CDON: variants seen among roughly 807,000 people sequenced by gnomAD.
CDON encodes cell adhesion molecule-related/down-regulated by oncogenes.
Under a neutral mutation model 120.9 loss-of-function variants are expected in CDON, and 73 were observed. That is an observed-to-expected ratio of 0.60 (90% CI 0.50 to 0.73). The LOEUF (loss-of-function observed/expected upper bound fraction) is 0.73. CDON is among the 30% of genes least tolerant of loss of function. CDON has a pLI of 0.00. For missense variants in CDON, 1,470 were observed against 1,587.3 expected (o/e 0.93, Z 1.26); for synonymous variants, 566 against 573.5 (o/e 0.99, Z 0.19).
intron 7 of CDON, among the ~76,000 whole-genome samples, chr11:126,011,845 T>G (rs1947312088): frequency 6.6e-6 from 1 of 152,226 alleles, no homozygotes; most frequent in African/African-American, 2.4e-5. Flanking sequence ...TTTAGATCTT[T>G]AATCCACTGA....
intron 1 of CDON, among the ~76,000 whole-genome samples, chr11:126,032,942 A>G (rs1011578928): frequency 6.6e-6 from 1 of 152,174 alleles, no homozygotes; most frequent in Non-Finnish European, 1.5e-5. Context: ...CAGGAGGTTG[A>G]GGCTGCAGTG....
At chr11:126,062,123 G>A (rs1340843155) in intron 1 of CDON, among the ~76,000 whole-genome samples, 1 of 152,128 alleles carries the variant, frequency 6.6e-6, no homozygotes, top group Admixed American at 6.5e-5. Flanking sequence ...TCTTGTGAAG[G>A]CAGAGAAAGA....
intron 17 of CDON, among the ~76,000 whole-genome samples, chr11:125,978,779 C>A (rs1480350624): frequency 6.6e-6 from 1 of 152,090 alleles, no homozygotes; most frequent in Non-Finnish European, 1.5e-5. Flanking sequence ...TCATGTGATA[C>A]CAGTTGGAGA....
At chr11:125,996,779 TTTAGGTGAC>T (rs1946799694) in intron 12 of CDON, among the ~76,000 whole-genome samples, 1 of 151,872 alleles carries the variant, frequency 6.6e-6, no homozygotes, top group Non-Finnish European at 1.5e-5. Context: ...ATGGGTGAAT[TTTAGGTGAC>T]TTATTCTCTT....
chr11:125,961,545 A>G (rs1591539138), intron 19 of CDON, 179 bp downstream of exon 19: 1 of 735,840 alleles, frequency 1.4e-6, no homozygotes, highest in African/African-American at 1.8e-5. Context: ...ACAGAATTTC[A>G]AAGAATCCTT....
At chr11:126,058,642 G>C (rs997292237) in intron 1 of CDON, among the ~76,000 whole-genome samples, 2 of 152,190 alleles carry the variant, frequency 1.3e-5, no homozygotes, top group African/African-American at 4.8e-5. Context: ...ACTGCATTCT[G>C]CATTAGCTGA....
intron 1 of CDON, among the ~76,000 whole-genome samples, chr11:126,043,296 G>T (rs1438520996): frequency 6.6e-6 from 1 of 152,136 alleles, no homozygotes; most frequent in East Asian, 1.9e-4. Flanking sequence ...AGATGAGCAT[G>T]AAGTGGCCAA....
intron 18 of CDON, among the ~76,000 whole-genome samples, chr11:125,969,203 G>A (rs1437689642): frequency 2.6e-5 from 4 of 152,166 alleles, no homozygotes. Context: ...TCTCCATGTT[G>A]GTCAGGCTGG....
At chr11:125,986,142 AG>A (rs1946451978) in intron 15 of CDON, among the ~76,000 whole-genome samples, 1 of 152,246 alleles carries the variant, frequency 6.6e-6, no homozygotes, top group African/African-American at 2.4e-5. Flanking sequence ...AGCCATGAAA[AG>A]GATGAGTTCA....
At chr11:126,017,920 G>A (rs191031998) in intron 5 of CDON, among the ~76,000 whole-genome samples, 108 of 150,870 alleles carry the variant, frequency 7.2e-4, no homozygotes, top group African/African-American at 2.5e-3. Flanking sequence ...TTTTTTTTAA[G>A]ACAGAGTCAC....
chr11:125,995,129 G>T, intron 12 of CDON, 77 bp from the exon 13 acceptor site: 1 of 1,250,328 alleles, frequency 8.0e-7, no homozygotes, highest in Non-Finnish European at 1.2e-6. Context: ...GACAACTAAA[G>T]GCAGAATAGT....
chr11:126,004,173 TAGAAG>T, intron 9 of CDON, 97 bp from the exon 10 acceptor site: 4 of 1,256,732 alleles, frequency 3.2e-6, no homozygotes, highest in Non-Finnish European at 4.5e-6. Flanking sequence ...CATTTAATTC[TAGAAG>T]AGTTTTAAGA....
In CDON at chr11:125,994,873, T is replaced by C; in HGVS notation, c.2542A>G (p.Thr848Ala). The stretch of plus-strand genomic sequence containing the variant: ...CATTCCAGAAGATGTGTACTGACCG[T>C]CCACTTTAGCATGATCTGAGTATCG... Reference protein sequence around the residue: ...VSDTQIMLKWTYIPSSNNNTP... With the variant: ...VSDTQIMLKWAYIPSSNNNTP... Residue 848 changes from threonine to alanine, a missense_variant and splice_region_variant, in exon 13 of 20, where the codon ACG becomes GCG. By Grantham distance (58) the Thr-to-Ala change is moderately conservative (BLOSUM62 0). Coordinates refer to ENST00000531738, the MANE Select transcript of CDON (RefSeq NM_001378964.1). 2.5e-6 allele frequency: 4 copies of C among 1,612,984 alleles called. No homozygotes were observed. Among genetic ancestry groups the C allele is most frequent in the Non-Finnish European group, 3.4e-6 (4 of 1,178,992 alleles).
At position 126,038,413 on chromosome 11, in the gene CDON, G is replaced by A. The variant is rs182639343; in HGVS notation, c.-61-14876C>T. ...ACGCCTGCAATCCCAGCACTTAGGG[G>A]GGCCGAGGCAGGAGGATCACCTGAG... On this transcript the variant is annotated intron_variant, in intron 1 of 19. Coordinates refer to ENST00000531738, the MANE Select transcript of CDON (RefSeq NM_001378964.1). Among the ~76,000 whole-genome samples the A allele has an allele frequency of 4.0e-4, 61 of 152,166 alleles. No individual in the cohort carries two copies. In the East Asian group the frequency reaches 0.011, roughly 27 times the overall value.
intron 11 of CDON, among the ~76,000 whole-genome samples, chr11:125,998,945 T>C (rs1310379653): frequency 6.6e-6 from 1 of 152,126 alleles, no homozygotes; most frequent in Non-Finnish European, 1.5e-5. Context: ...TGCTCCTCAA[T>C]TGAGCAACAC....
intron 6 of CDON, among the ~76,000 whole-genome samples, chr11:126,016,798 C>T (rs1947480851): frequency 6.6e-6 from 1 of 152,102 alleles, no homozygotes; most frequent in Non-Finnish European, 1.5e-5. Flanking sequence ...CTTCCATTCT[C>T]CTGATTTCCA....
At chr11:125,983,234 A>G (rs892244406) in intron 16 of CDON, among the ~76,000 whole-genome samples, 4 of 152,364 alleles carry the variant, frequency 2.6e-5, no homozygotes, top group South Asian at 2.1e-4. Context: ...CAGGAAAAGT[A>G]GGACAGTGAG....
chr11:125,974,078 T>A (rs1012658446), intron 18 of CDON, among the ~76,000 whole-genome samples: 1 of 151,884 alleles, frequency 6.6e-6, no homozygotes, highest in Non-Finnish European at 1.5e-5. Flanking sequence ...GTATTTTTAG[T>A]AGAGATGGGG....
chr11:125,997,081 G>T, intron 12 of CDON, 126 bp downstream of exon 12: 3 of 772,186 alleles, frequency 3.9e-6, no homozygotes, highest in Admixed American at 4.0e-5. Context: ...GGAGGCTGAG[G>T]TAAGCCATGA....
Sources: allele counts gnomAD v4.1 joint callset (sites outside exome capture counted in the v4.1 genomes callset), GRCh38; gene constraint gnomAD v4.1.1; transcripts MANE v1.5; gene names NCBI Gene and HGNC (gene_info 2026-07-23, HGNC 2026-07-21).